The following NRP1 variants were observed in gnomAD, a reference collection of about 807,000 sequenced individuals.
NRP1 encodes the protein neuropilin-1.
Under a neutral mutation model 106.7 loss-of-function variants are expected in NRP1, and 35 were observed. The observed-to-expected ratio is 0.33, with a 90% CI of 0.25 to 0.43. The LOEUF (loss-of-function observed/expected upper bound fraction) is 0.43. Among genes scored for constraint, NRP1 ranks in the 20% least tolerant of loss-of-function variants. The pLI is 1.00. For missense variants in NRP1, 1,024 were observed against 1,170.4 expected (o/e 0.87, Z 1.83); for synonymous variants, 437 against 417.9 (o/e 1.05, Z -0.56).
chr10:33,240,080 C>T (rs1479706462), intron 6 of NRP1, among the ~76,000 whole-genome samples: 3 of 152,256 alleles, frequency 2.0e-5, no homozygotes, highest in Admixed American at 1.3e-4. Flanking sequence ...GTTTCTTTGT[C>T]TCATGGTCTC....
intron 11 of NRP1, chr10:33,202,335 C>T: frequency 3.9e-6 from 1 of 258,970 alleles, no homozygotes; most frequent in Non-Finnish European, 7.5e-6. Flanking sequence ...CACACAACAT[C>T]TCTGATGCAT....
chr10:33,199,863 C>T (rs371026889), intron 11 of NRP1, among the ~76,000 whole-genome samples: 1 of 152,124 alleles, frequency 6.6e-6, no homozygotes, highest in Non-Finnish European at 1.5e-5. Context: ...TATCTGGCAG[C>T]TCCCACAGAT....
At chr10:33,209,635 C>T (rs552345066) in intron 9 of NRP1, among the ~76,000 whole-genome samples, 1 of 152,076 alleles carries the variant, frequency 6.6e-6, no homozygotes, top group Non-Finnish European at 1.5e-5. Flanking sequence ...CACCAACATG[C>T]CTGGCTGATT....
intron 12 of NRP1, among the ~76,000 whole-genome samples, chr10:33,193,311 T>C (rs953514357): frequency 3.3e-5 from 5 of 152,176 alleles, no homozygotes; most frequent in African/African-American, 1.2e-4. Context: ...AGCTTAACTT[T>C]TAAGTATGGG....
intron 6 of NRP1, among the ~76,000 whole-genome samples, chr10:33,231,168 G>A (rs1383802067): frequency 6.6e-6 from 1 of 152,074 alleles, no homozygotes; most frequent in African/African-American, 2.4e-5. Context: ...TTTTGGCCTA[G>A]TAGGCTAAAC....
intron 6 of NRP1, among the ~76,000 whole-genome samples, chr10:33,227,964 G>GTT (rs35317098): frequency 1.5e-4 from 23 of 150,856 alleles, no homozygotes; most frequent in Middle Eastern, 3.4e-3. Context: ...AGTAGAGTAG[G>GTT]TTTTTTTTTC....
chr10:33,186,629 CA>C, intron 13 of NRP1, 141 bp from the exon 14 acceptor site: 2 of 984,864 alleles, frequency 2.0e-6, no homozygotes, highest in Non-Finnish European at 2.9e-6. Flanking sequence ...GATAAGTGTG[CA>C]CACTTGGGGA....
intron 4 of NRP1, 81 bp downstream of exon 4, chr10:33,263,565 T>C (rs894208192): frequency 9.1e-6 from 9 of 985,616 alleles, no homozygotes; most frequent in Middle Eastern, 2.1e-4. Flanking sequence ...TAATGATTCA[T>C]GTATCATGAG....
chr10:33,183,394 G>GA (rs1388993474), intron 15 of NRP1, among the ~76,000 whole-genome samples: 1 of 151,752 alleles, frequency 6.6e-6, no homozygotes, highest in East Asian at 1.9e-4. Flanking sequence ...CTGAAATGTG[G>GA]AAAAAAATCT....
intron 2 of NRP1, among the ~76,000 whole-genome samples, chr10:33,302,476 T>TTCTTATCC (rs1390872495): frequency 6.6e-6 from 1 of 152,232 alleles, no homozygotes; most frequent in African/African-American, 2.4e-5. Context: ...GGCTATTGGA[T>TTCTTATCC]AAGAACTTCC....
chr10:33,195,558 T>G, intron 12 of NRP1: 1 of 533,434 alleles, frequency 1.9e-6, no homozygotes, highest in South Asian at 1.4e-5. Context: ...CTTGTGATGA[T>G]GCTTGAAGAA....
chr10:33,333,641 C>T (rs1848433392), intron 1 of NRP1, among the ~76,000 whole-genome samples: 1 of 152,218 alleles, frequency 6.6e-6, no homozygotes, highest in African/African-American at 2.4e-5. Context: ...TTACATGGTA[C>T]TGTTTAGACC....
At chr10:33,192,164 C>T in intron 13 of NRP1, 117 bp downstream of exon 13, 2 of 1,059,070 alleles carry the variant, frequency 1.9e-6, no homozygotes, top group Non-Finnish European at 2.7e-6. Context: ...CATGTGAACG[C>T]CTGTAGTAAT....
At chr10:33,182,154 CAATA>C (rs1835726849) in intron 16 of NRP1, among the ~76,000 whole-genome samples, 1 of 152,028 alleles carries the variant, frequency 6.6e-6, no homozygotes, top group Non-Finnish European at 1.5e-5. Context: ...ACTAACTCTT[CAATA>C]AATCCTTCTT....
At chr10:33,331,526 G>A (rs536796874) in intron 1 of NRP1, among the ~76,000 whole-genome samples, 1 of 152,312 alleles carries the variant, frequency 6.6e-6, no homozygotes, top group East Asian at 1.9e-4. Context: ...GTTCAAGCTT[G>A]GAGATCGGAT....
intron 2 of NRP1, among the ~76,000 whole-genome samples, chr10:33,318,125 G>C (rs1344239467): frequency 1.3e-5 from 2 of 152,114 alleles, no homozygotes; most frequent in African/African-American, 2.4e-5. Context: ...TGCTGAGATA[G>C]GTAGAGGAAG....
intron 2 of NRP1, among the ~76,000 whole-genome samples, chr10:33,309,392 G>T (rs1249637973): frequency 6.6e-6 from 1 of 152,208 alleles, no homozygotes. Context: ...TGCTTCGAAT[G>T]TCTTAGAATG....
rs1847086539 is a variant in NRP1 at position 33,317,022 on chromosome 10, G to A, written c.248+13686C>T. Among the ~76,000 whole-genome samples the A allele has an allele frequency of 2.0e-5, 3 of 152,188 alleles. No homozygotes were observed. In the South Asian group the frequency reaches 6.2e-4, roughly 32 times the overall value. On this transcript the variant is annotated intron_variant, in intron 2 of 16. Transcript: ENST00000374867. ...GATATATGAAATGTTTGCTTGCAAG[G>A]TAACAAGGTCCAAGAAGGATTTTGC...
chr10:33,307,273 C>A (rs772675662), intron 2 of NRP1, among the ~76,000 whole-genome samples: 1 of 152,144 alleles, frequency 6.6e-6, no homozygotes, highest in Non-Finnish European at 1.5e-5. Flanking sequence ...GTAGATCAAA[C>A]CTATCTGACT....
Sources: gnomAD v4.1 joint callset for allele counts (sites outside exome capture counted in the v4.1 genomes callset) on GRCh38, gnomAD v4.1.1 for gene constraint, MANE v1.5 for transcripts, NCBI Gene and HGNC (gene_info 2026-07-23, HGNC 2026-07-21) for gene names.